KIRREL1: variants seen among roughly 807,000 people sequenced by gnomAD.
KIRREL1 encodes the protein kirre like nephrin family adhesion molecule 1.
A neutral mutation model predicts 83.3 loss-of-function variants in KIRREL1; 25 were observed. That is an observed-to-expected ratio of 0.30 (90% CI 0.22 to 0.42). KIRREL1 has a LOEUF of 0.42. KIRREL1 is among the 10% of genes least tolerant of loss of function. The pLI, the probability that KIRREL1 is intolerant of heterozygous loss-of-function variation, is 1.00. For missense variants in KIRREL1, 812 were observed against 1,032.3 expected, an observed-to-expected ratio of 0.79 and a Z score of 2.92; for synonymous variants, 388 against 410.4, an observed-to-expected ratio of 0.95 and a Z score of 0.66.
At chr1:158,039,382 A>T (rs935848388) in intron 1 of KIRREL1, among the ~76,000 whole-genome samples, 4 of 152,164 alleles carry the variant, frequency 2.6e-5, no homozygotes, top group African/African-American at 9.7e-5. Context: ...GATGCATGGC[A>T]TGTGCTGTTT....
chr1:158,068,402 C>A (rs2101614811), intron 1 of KIRREL1, among the ~76,000 whole-genome samples: 1 of 152,306 alleles, frequency 6.6e-6, no homozygotes, highest in Non-Finnish European at 1.5e-5. Context: ...GGTTAAGGGT[C>A]TCTAAAGTCA....
intron 1 of KIRREL1, among the ~76,000 whole-genome samples, chr1:158,036,402 C>CT (rs1267730618): frequency 6.6e-6 from 1 of 152,086 alleles, no homozygotes; most frequent in Non-Finnish European, 1.5e-5. Context: ...GAATATGCAG[C>CT]TTTTTTGCAG....
At chr1:158,088,840 G>T (rs2101640782) in intron 8 of KIRREL1, among the ~76,000 whole-genome samples, 1 of 152,244 alleles carries the variant, frequency 6.6e-6, no homozygotes, top group Non-Finnish European at 1.5e-5. Context: ...GGGAGTAGAT[G>T]GGGGGCTGCA....
chr1:158,001,615 G>A (rs534647826), intron 1 of KIRREL1, among the ~76,000 whole-genome samples: 5 of 152,284 alleles, frequency 3.3e-5, no homozygotes, highest in East Asian at 3.9e-4. Flanking sequence ...GAAGGGCTCC[G>A]TGGAGGAAGT....
At chr1:158,074,814 G>A (rs958669611) in intron 1 of KIRREL1, among the ~76,000 whole-genome samples, 4 of 152,284 alleles carry the variant, frequency 2.6e-5, no homozygotes, top group African/African-American at 9.6e-5. Flanking sequence ...CGAGGGGTGA[G>A]TTAAGTTTGC....
intron 1 of KIRREL1, among the ~76,000 whole-genome samples, chr1:158,070,833 C>T (rs377111197): frequency 1.5e-4 from 23 of 152,224 alleles, no homozygotes; most frequent in East Asian, 1.2e-3. Context: ...AGAGCTGCCA[C>T]GCCAAATTCC....
intron 1 of KIRREL1, among the ~76,000 whole-genome samples, chr1:158,065,955 C>T (rs1661347005): frequency 6.6e-6 from 1 of 152,052 alleles, no homozygotes; most frequent in South Asian, 2.1e-4. Context: ...TTGATTCTCA[C>T]TTCTCATTTT....
chr1:158,029,997 A>G (rs1660280059), intron 1 of KIRREL1, among the ~76,000 whole-genome samples: 1 of 152,230 alleles, frequency 6.6e-6, no homozygotes, highest in Non-Finnish European at 1.5e-5. Flanking sequence ...TCTAGCTACC[A>G]TTTCTCTTAA....
At chr1:158,001,697 G>A (rs1006022576) in intron 1 of KIRREL1, among the ~76,000 whole-genome samples, 2 of 152,160 alleles carry the variant, frequency 1.3e-5, no homozygotes, top group Admixed American at 6.5e-5. Context: ...CCAGACTTCC[G>A]GAACCAAGAT....
At chr1:158,007,412 G>A (rs1659549746) in intron 1 of KIRREL1, among the ~76,000 whole-genome samples, 1 of 152,148 alleles carries the variant, frequency 6.6e-6, no homozygotes, top group Non-Finnish European at 1.5e-5. Flanking sequence ...TAATAGAATG[G>A]GGTGGGGCCG....
chr1:158,046,632 G>T (rs940223972), intron 1 of KIRREL1, among the ~76,000 whole-genome samples: 1 of 152,258 alleles, frequency 6.6e-6, no homozygotes, highest in Non-Finnish European at 1.5e-5. Context: ...GAGCAGGCAA[G>T]AGAGGAGGAG....
intron 1 of KIRREL1, among the ~76,000 whole-genome samples, chr1:157,997,299 T>C (rs1002997960): frequency 6.6e-6 from 1 of 152,164 alleles, no homozygotes; most frequent in African/African-American, 2.4e-5. Flanking sequence ...CCTCATAGGG[T>C]TGTGGTGGCA....
intron 2 of KIRREL1, 114 bp from the exon 3 acceptor site, chr1:158,077,877 C>G (rs1661729677): frequency 1.1e-5 from 14 of 1,243,118 alleles, no homozygotes; most frequent in Middle Eastern, 2.1e-4. Context: ...GGGGCCTCAC[C>G]TTCTCACCTG....
intron 1 of KIRREL1, among the ~76,000 whole-genome samples, chr1:158,034,878 A>G (rs1231305057): frequency 6.6e-6 from 1 of 152,182 alleles, no homozygotes; most frequent in African/African-American, 2.4e-5. Context: ...TTCTCATGCT[A>G]CCAGATATAA....
intron 1 of KIRREL1, among the ~76,000 whole-genome samples, chr1:158,012,433 A>G (rs1659714103): frequency 1.3e-5 from 2 of 152,134 alleles, no homozygotes; most frequent in African/African-American, 4.8e-5. Flanking sequence ...TCATGGAATG[A>G]TGATAAAGAC....
At chr1:158,079,292 A>T (rs1327523004) in intron 3 of KIRREL1, among the ~76,000 whole-genome samples, 1 of 151,866 alleles carries the variant, frequency 6.6e-6, no homozygotes, top group Non-Finnish European at 1.5e-5. Flanking sequence ...GGTACAAGGA[A>T]GGTTTTCTGT....
At chr1:158,016,034 G>A (rs186194945) in intron 1 of KIRREL1, among the ~76,000 whole-genome samples, 87 of 152,214 alleles carry the variant, frequency 5.7e-4, no homozygotes, top group Non-Finnish European at 7.4e-4. Context: ...GGCTGGGTGC[G>A]GCGGCTCAAG....
At chr1:158,052,623 CA>C (rs34175701) in intron 1 of KIRREL1, among the ~76,000 whole-genome samples, 6,063 of 131,698 alleles carry the variant, frequency 0.046, 118 homozygotes, top group Non-Finnish European at 0.051. Flanking sequence ...ACTAAAAATA[CA>C]AAAAAAAAAA....
At position 158,095,383 on chromosome 1, in the gene KIRREL1, A is replaced by C; in HGVS notation, c.*263A>C. 1.0e-5 allele frequency: 4 copies of C among 396,718 alleles called. No individual in the cohort carries two copies. The highest frequency in any genetic ancestry group is 4.2e-5 in the East Asian group (1 of 23,830). 24.6% of individuals were successfully genotyped at this position (396,718 alleles called of 1,614,324 possible). A position where few individuals can be genotyped will look rare whatever the true frequency, so the allele number is the denominator to read the frequency against. ...ACCTGCACTCTTGCCTGACCCTAGA[A>C]TGGGGACAGGGAAAGTGAAGGTTAG... On this transcript the variant is annotated 3_prime_UTR_variant, in exon 15 of 15. Coordinates refer to ENST00000359209, the MANE Select transcript of KIRREL1 (RefSeq NM_018240.7).
Sources: allele counts gnomAD v4.1 joint callset (sites outside exome capture counted in the v4.1 genomes callset), GRCh38; gene constraint gnomAD v4.1.1; transcripts MANE v1.5; gene names NCBI Gene and HGNC (gene_info 2026-07-23, HGNC 2026-07-21).